The following FRMPD3 variants were observed in gnomAD, a reference collection of about 807,000 sequenced individuals.
The protein encoded by FRMPD3 is FERM and PDZ domain-containing protein 3.
A neutral mutation model predicts 97.9 loss-of-function variants in FRMPD3; 42 were observed. The ratio of observed to expected loss-of-function variants is 0.43; its 90% CI spans 0.34 to 0.55. The LOEUF is 0.55. FRMPD3 is among the 20% of genes least tolerant of loss of function. FRMPD3 has a pLI of 0.03. For synonymous variants in FRMPD3, 577 were observed against 581.1 expected (o/e 0.99, Z 0.10); for missense variants, 1,303 against 1,457.7 (o/e 0.89, Z 1.73).
chrX:107,549,388 T>A (rs1364544873), intron 5 of FRMPD3, among the ~76,000 whole-genome samples: 2 of 111,532 alleles, frequency 1.8e-5, no homozygotes, highest in Non-Finnish European at 3.8e-5. Context: ...AATGCTTTGG[T>A]GTGCTACTGG....
Position 107,603,679 on chromosome X carries a change from C to T in FRMPD3, c.*306C>T. ...TCTCTTCTCTGGGGCTGAGAGGTGA[C>T]ATCAGGCTCACTTCCTGCTCAATCC... On this transcript the variant is annotated 3_prime_UTR_variant, in exon 15 of 15. Transcript: ENST00000683843. 4.3e-6 allele frequency: 1 copy of T among 234,164 alleles called. No individual in the cohort carries two copies. Among genetic ancestry groups the T allele is most frequent in the Non-Finnish European group, 7.5e-6 (1 of 133,536 alleles). 19.3% of individuals were successfully genotyped at this position (234,164 alleles called of 1,213,427 possible).
chrX:107,559,678 C>A (rs908642119), intron 8 of FRMPD3, among the ~76,000 whole-genome samples: 1 of 111,584 alleles, frequency 9.0e-6, no homozygotes, highest in Non-Finnish European at 1.9e-5. Flanking sequence ...GGTTGTCATA[C>A]CCTTGGCCAG....
chrX:107,477,945 A>C (rs1333977310), intron 1 of FRMPD3, among the ~76,000 whole-genome samples: 1 of 110,988 alleles, frequency 9.0e-6, no homozygotes, highest in Non-Finnish European at 1.9e-5. Flanking sequence ...CCTTGTCTCT[A>C]CTAATCCAAA....
intron 1 of FRMPD3, among the ~76,000 whole-genome samples, chrX:107,467,027 A>T (rs867688334): frequency 1.1e-3 from 105 of 96,406 alleles, no homozygotes; most frequent in African/African-American, 4.5e-3. Context: ...TGTGTGTGAG[A>T]GAGAGAGAGA....
intron 1 of FRMPD3, chrX:107,522,450 A>G (rs776855020): frequency 1.8e-5 from 10 of 555,393 alleles, no homozygotes; most frequent in African/African-American, 4.5e-5. Context: ...GCAGCTTGCA[A>G]TGGAGACTCT....
At chrX:107,571,565 G>A (rs187942990) in intron 12 of FRMPD3, among the ~76,000 whole-genome samples, 118 of 111,757 alleles carry the variant, frequency 1.1e-3, no homozygotes, top group African/African-American at 3.6e-3. Flanking sequence ...TTTTGCTTTC[G>A]TGCTGTTTTA....
At chrX:107,563,240 C>T (rs777596002) in intron 11 of FRMPD3, 40 bp downstream of exon 11, 2 of 1,071,444 alleles carry the variant, frequency 1.9e-6, no homozygotes, top group Non-Finnish European at 2.6e-6. Context: ...GAGGGAGCCC[C>T]TTGTTGGCTC....
intron 1 of FRMPD3, among the ~76,000 whole-genome samples, chrX:107,480,868 AAAGG>A (rs201864947): frequency 0.05 from 3,313 of 66,520 alleles, 167 homozygotes; most frequent in East Asian, 0.16. Context: ...GGAAAGAAAG[AAAGG>A]AAGGAAGGAA....
chrX:107,565,190 A>G, intron 12 of FRMPD3, 124 bp downstream of exon 12: 1 of 653,087 alleles, frequency 1.5e-6, no homozygotes, highest in Non-Finnish European at 2.2e-6. Flanking sequence ...AAGTGGTTCA[A>G]CCCTGGGACT....
At chrX:107,564,604 C>A (rs964563443) in intron 11 of FRMPD3, among the ~76,000 whole-genome samples, 3 of 112,343 alleles carry the variant, frequency 2.7e-5, no homozygotes, top group Admixed American at 1.9e-4. Context: ...ACCTACTTCA[C>A]GGTTTTGCTT....
At chrX:107,590,027 C>T (rs530437416) in intron 13 of FRMPD3, among the ~76,000 whole-genome samples, 189 of 111,605 alleles carry the variant, frequency 1.7e-3, no homozygotes, top group South Asian at 0.012. Context: ...TGGTGGCGTG[C>T]GCCTGTAGTC....
intron 1 of FRMPD3, among the ~76,000 whole-genome samples, chrX:107,507,900 C>A (rs1030233465): frequency 3.6e-5 from 4 of 112,004 alleles, no homozygotes; most frequent in African/African-American, 1.3e-4. Flanking sequence ...AACTATGTGC[C>A]CGACATTGTG....
intron 1 of FRMPD3, among the ~76,000 whole-genome samples, chrX:107,509,936 T>G (rs770931242): frequency 4.5e-5 from 5 of 111,067 alleles, no homozygotes; most frequent in South Asian, 3.9e-4. Flanking sequence ...TTACATATAT[T>G]AATGAATGAA....
intron 1 of FRMPD3, chrX:107,513,123 T>C (rs1325884216): frequency 8.0e-5 from 9 of 111,905 alleles, no homozygotes; most frequent in Non-Finnish European, 1.7e-4. Context: ...TGACTCCAGG[T>C]TTCCAGGTAT....
intron 1 of FRMPD3, among the ~76,000 whole-genome samples, chrX:107,507,261 G>A (rs1339787923): frequency 9.0e-6 from 1 of 110,809 alleles, no homozygotes; most frequent in African/African-American, 3.3e-5. Flanking sequence ...GCAGCCCTCC[G>A]GTCCTTTCGA....
At chrX:107,537,596 A>T (rs1246327085) in intron 4 of FRMPD3, among the ~76,000 whole-genome samples, 2 of 111,631 alleles carry the variant, frequency 1.8e-5, no homozygotes, top group African/African-American at 3.3e-5. Flanking sequence ...CCAGATGTTA[A>T]CCCTGTAGTT....
At chrX:107,527,688 G>A (rs56090540) in intron 2 of FRMPD3, among the ~76,000 whole-genome samples, 1 of 112,668 alleles carries the variant, frequency 8.9e-6, no homozygotes, top group Non-Finnish European at 1.9e-5. Context: ...TGAGGCTTTA[G>A]ATGTTTACAA....
chrX:107,576,339 C>T lies in FRMPD3; in HGVS notation c.1321C>T (p.Pro441Ser), dbSNP rs536486904. The change falls in exon 13 of 15, where the codon CCT becomes TCT. Residue 441 changes from proline (P) to serine (S), a missense_variant. Physicochemically the swap from Pro to Ser is moderately conservative, Grantham distance 74 (BLOSUM62 -1). This residue lies in a region of FRMPD3 where 535 missense variants were observed against 618.6 expected (regional missense o/e 0.86). Transcript: ENST00000683843. ...GCCTCTGGTGCTGTTGATGGAGTGGCCTGAAGCCACCAACTTTGCCTGCCT... is the reference window on the plus strand; with the variant it reads ...GCCTCTGGTGCTGTTGATGGAGTGGTCTGAAGCCACCAACTTTGCCTGCCT... ...AKPLVLLMEW[P>S]EATNFACLIA... 6 of 1,209,241 alleles carry T rather than the reference C, an allele frequency of 5.0e-6. No individual in the cohort carries two copies. In the Middle Eastern group the frequency reaches 6.9e-4, roughly 139 times the overall value.
chrX:107,552,661 A>G (rs1025315884), intron 6 of FRMPD3, 134 bp from the exon 7 acceptor site: 12 of 660,891 alleles, frequency 1.8e-5, no homozygotes, highest in Middle Eastern at 4.4e-4. Flanking sequence ...GCTACTATAA[A>G]GGCCAGTGTT....
Sources: allele counts gnomAD v4.1 joint callset (sites outside exome capture counted in the v4.1 genomes callset), GRCh38; gene constraint gnomAD v4.1.1; regional missense constraint gnomAD v4.1.1; transcripts MANE v1.5; gene names NCBI Gene and HGNC (gene_info 2026-07-23, HGNC 2026-07-21).